Variants in BRI3 observed in about 807,000 individuals in gnomAD.
BRI3 encodes brain protein I3.
Under a neutral mutation model 12.8 loss-of-function variants are expected in BRI3, and 6 were observed. That is an observed-to-expected ratio of 0.47 (90% CI 0.26 to 0.93). The LOEUF is 0.93. BRI3 is among the 40% of genes least tolerant of loss of function. BRI3 has a pLI of 0.15. For synonymous variants in BRI3, 91 were observed against 76.1 expected, an observed-to-expected ratio of 1.20 and a Z score of -1.02; for missense variants, 134 against 171.1, an observed-to-expected ratio of 0.78 and a Z score of 1.21.
downstream of BRI3, chr7:98,291,987 G>A: frequency 6.5e-6 from 1 of 153,020 alleles, no homozygotes; most frequent in Non-Finnish European, 1.5e-5. Context: ...TCATGTGGCT[G>A]CAGCCCTTTC....
At chr7:98,290,556 T>C (rs1799892615) in intron 2 of BRI3, among the ~76,000 whole-genome samples, 1 of 151,900 alleles carries the variant, frequency 6.6e-6, no homozygotes, top group African/African-American at 2.4e-5. Flanking sequence ...TGGAGTGTAG[T>C]GGCTTAATCT....
At chr7:98,282,222 C>T in intron 1 of BRI3, 129 bp from the exon 2 acceptor site, 1 of 888,130 alleles carries the variant, frequency 1.1e-6, no homozygotes, top group South Asian at 1.7e-5. Context: ...CCCGCGGTGG[C>T]CGTCCCGAGG....
the BRI3 span, among the ~76,000 whole-genome samples, chr7:98,318,811 G>A: frequency 6.6e-6 from 1 of 151,722 alleles, no homozygotes; most frequent in African/African-American, 2.4e-5. Flanking sequence ...GGGTGCAGTG[G>A]TGGGTGCCTG....
At chr7:98,311,197 C>A (rs1458164078), downstream of BRI3, among the ~76,000 whole-genome samples, 3 of 152,104 alleles carry the variant, frequency 2.0e-5, no homozygotes, top group Admixed American at 1.3e-4. Flanking sequence ...TATTCTGAGA[C>A]ACCTATACTT....
chr7:98,308,667 A>T lies in BRI3; in HGVS notation n.1297A>T, dbSNP rs80140366. On this transcript the variant is annotated non_coding_transcript_exon_variant, in exon 2 of 2. Transcript: ENST00000485422. The stretch of plus-strand genomic sequence containing the variant: ...CTCCAGGGGAAAAAAGGTAGAAAAA[A>T]ATATATATATATGTATGTATATACA... 631 of 233,596 alleles carry T rather than the reference A, an allele frequency of 2.7e-3. 8 individuals carry two copies. Among genetic ancestry groups the T allele is most frequent in the African/African-American group, 0.013 (575 of 44,866 alleles). The allele number at this position is 233,596 out of a possible 1,614,324, so 14.5% of individuals were successfully genotyped here.
downstream of BRI3, among the ~76,000 whole-genome samples, chr7:98,296,525 TGAGGCAGGAGAATCGCTTGAACAGG>T (rs1800198632): frequency 6.6e-6 from 1 of 152,128 alleles, no homozygotes; most frequent in Non-Finnish European, 1.5e-5. Context: ...CTCAGGAGGC[TGAGGCAGGAGAATCGCTTGAACAGG>T]GAGGCAGAGG....
chr7:98,318,228 C>G, the BRI3 span, among the ~76,000 whole-genome samples: 1 of 152,228 alleles, frequency 6.6e-6, no homozygotes, highest in East Asian at 1.9e-4. Context: ...AGGACATCTT[C>G]TCTTTCTTTT....
downstream of BRI3, among the ~76,000 whole-genome samples, chr7:98,295,946 G>A (rs1490182475): frequency 6.6e-6 from 1 of 152,312 alleles, no homozygotes; most frequent in Admixed American, 6.5e-5. Flanking sequence ...CCCCGTGCAC[G>A]CATGCCTGGG....
At position 98,288,431 on chromosome 7, in the gene BRI3, G is replaced by C. The variant is rs186915348; in HGVS notation, c.246-2680G>C. Among the ~76,000 whole-genome samples the C allele has an allele frequency of 4.0e-3, 606 of 152,158 alleles. 8 individuals carry two copies. The highest frequency in any genetic ancestry group is 0.03 in the Admixed American group (454 of 15,272). ...GTCTGGACTGGCAGGGGCAGCCCTG[G>C]GCAAGGCTGAACAAGTGTGGTGGCC... On this transcript the variant is annotated intron_variant, in intron 2 of 2. Transcript: ENST00000297290.
rs1386067880 is a variant in BRI3 at position 98,281,696 on chromosome 7, G to A, written c.-100G>A. ...CCCCGCGTCTGCCTCAGAGGGGCCC[G>A]AGCCACCCGGTCCGCCGCGTCCCCG... On this transcript the variant is annotated 5_prime_UTR_variant, in exon 1 of 3. Coordinates refer to ENST00000297290, the MANE Select transcript of BRI3 (RefSeq NM_015379.5). 7 of 349,114 alleles carry A rather than the reference G, an allele frequency of 2.0e-5. No homozygotes were observed. The highest frequency in any genetic ancestry group is 2.8e-5 in the Non-Finnish European group (7 of 253,260). The allele number at this position is 349,114 out of a possible 1,614,324, so 21.6% of individuals were successfully genotyped here.
chr7:98,308,160 G>A (rs1322472597), exon 2 of BRI3: 1 of 610,550 alleles, frequency 1.6e-6, no homozygotes, highest in South Asian at 1.5e-5. Flanking sequence ...CCAGGCCCAA[G>A]GACAAGGCGG....
At chr7:98,304,211 G>A (rs148664209), upstream of BRI3, 19 of 1,601,192 alleles carry the variant, frequency 1.2e-5, no homozygotes, top group East Asian at 1.1e-4. Context: ...CCGCGGTCTC[G>A]GGCTTGGACG....
the BRI3 span, chr7:98,317,382 T>C: frequency 6.2e-7 from 1 of 1,610,938 alleles, no homozygotes; most frequent in Non-Finnish European, 8.5e-7. Context: ...CTGTGCTTAT[T>C]TTACTGTGGC....
chr7:98,292,588 A>C (rs1800013718), downstream of BRI3: 2 of 1,524,738 alleles, frequency 1.3e-6, no homozygotes, highest in Non-Finnish European at 1.8e-6. Context: ...CCATAGGGCC[A>C]GGTTCCGAGG....
downstream of BRI3, among the ~76,000 whole-genome samples, chr7:98,296,090 T>A (rs1800178204): frequency 6.6e-6 from 1 of 151,834 alleles, no homozygotes; most frequent in Non-Finnish European, 1.5e-5. Flanking sequence ...AGAACCAGCT[T>A]CTGTGCAGAC....
At chr7:98,294,810 AAG>A (rs1165471614), downstream of BRI3, among the ~76,000 whole-genome samples, 4 of 152,200 alleles carry the variant, frequency 2.6e-5, no homozygotes, top group African/African-American at 9.7e-5. Flanking sequence ...AACTGAGGAA[AAG>A]AGAAGGTGGA....
downstream of BRI3, chr7:98,292,724 T>G (rs928805123): frequency 1.7e-5 from 26 of 1,551,468 alleles, no homozygotes; most frequent in Non-Finnish European, 2.2e-5. Context: ...CCCGAGCAGT[T>G]TGAGTGTACT....
chr7:98,290,829 T>A (rs1799910832), intron 2 of BRI3, among the ~76,000 whole-genome samples: 1 of 152,256 alleles, frequency 6.6e-6, no homozygotes, highest in Non-Finnish European at 1.5e-5. Context: ...TGATGAGTCC[T>A]TTCAACTGTT....
At chr7:98,312,049 A>G, downstream of BRI3, 3 of 1,540,540 alleles carry the variant, frequency 1.9e-6, no homozygotes, top group South Asian at 3.8e-5. Flanking sequence ...GCCCAGATCA[A>G]GTTAGGAAAC....
Sources: allele counts gnomAD v4.1 joint callset (sites outside exome capture counted in the v4.1 genomes callset), GRCh38; gene constraint gnomAD v4.1.1; transcripts MANE v1.5; gene names NCBI Gene and HGNC (gene_info 2026-07-23, HGNC 2026-07-21).